Variants in UBR3 observed in about 807,000 individuals in gnomAD.
UBR3 encodes E3 ubiquitin-protein ligase UBR3.
In UBR3, 85 loss-of-function variants were observed where a neutral mutation model predicts 243.2. That is an observed-to-expected ratio of 0.35 (90% CI 0.29 to 0.42). The LOEUF is 0.42. UBR3 is among the 10% of genes least tolerant of loss of function. The pLI, the probability that UBR3 is intolerant of heterozygous loss-of-function variation, is 1.00. For synonymous variants in UBR3, 748 were observed against 799.8 expected, an observed-to-expected ratio of 0.94 and a Z score of 1.09; for missense variants, 1,686 against 2,300.8, an observed-to-expected ratio of 0.73 and a Z score of 5.47.
chr2:170,073,080 C>T (rs2091734659), intron 35 of UBR3, among the ~76,000 whole-genome samples: 1 of 152,108 alleles, frequency 6.6e-6, no homozygotes, highest in South Asian at 2.1e-4. Context: ...AAGTTTTAAA[C>T]CAGAAATAAC....
At chr2:169,959,556 A>G (rs1425387213) in intron 24 of UBR3, among the ~76,000 whole-genome samples, 1 of 152,064 alleles carries the variant, frequency 6.6e-6, no homozygotes, top group Middle Eastern at 3.4e-3. Context: ...CAAAATCTCT[A>G]TTAGGTTTTT....
intron 18 of UBR3, among the ~76,000 whole-genome samples, chr2:169,932,592 C>T (rs1281877268): frequency 6.6e-6 from 1 of 152,122 alleles, no homozygotes; most frequent in African/African-American, 2.4e-5. Context: ...GAGATCCTAA[C>T]CTGCTGTGTT....
At chr2:169,838,849 C>CT (rs2082201147) in intron 1 of UBR3, among the ~76,000 whole-genome samples, 1 of 152,220 alleles carries the variant, frequency 6.6e-6, no homozygotes, top group Non-Finnish European at 1.5e-5. Context: ...AGATTTCTCT[C>CT]TAGCTGTGAA....
chr2:170,023,892 T>C (rs1375835177), intron 30 of UBR3, among the ~76,000 whole-genome samples: 1 of 151,992 alleles, frequency 6.6e-6, no homozygotes, highest in Admixed American at 6.6e-5. Context: ...TTGTATTTTT[T>C]AGTAGAGAAA....
At chr2:169,942,746 G>A (rs73015791) in intron 20 of UBR3, 112 bp downstream of exon 20, 54,955 of 1,080,348 alleles carry the variant, frequency 0.051, 1,541 homozygotes, top group Non-Finnish European at 0.056. Context: ...GTGTATTTAT[G>A]CATTTAAGAT....
At position 169,914,126 on chromosome 2, in the gene UBR3, G is replaced by A; in HGVS notation, c.1846G>A (p.Ala616Thr). The A allele has an allele frequency of 6.6e-7, 1 of 1,508,660 alleles. No individual in the cohort carries two copies. The allele number at this position is 1,508,660 out of a possible 1,614,324, so 93.5% of individuals were successfully genotyped here. The change falls in exon 11 of 39, where the codon GCT becomes ACT. Residue 616 changes from alanine to threonine, a missense_variant. Ala to Thr is a moderately conservative substitution (Grantham distance 58). This residue lies in a region of UBR3 where 346 missense variants were observed against 585.8 expected (regional missense o/e 0.59). Transcript: ENST00000272793. ...CLEALQDWFD[A>T]INFVDEPAPN... Reference sequence around the variant, plus strand: ...TGAAGCTCTTCAAGACTGGTTTGATGCTATTAACTTCGTAGACGAGGTATG... The same window carrying A: ...TGAAGCTCTTCAAGACTGGTTTGATACTATTAACTTCGTAGACGAGGTATG...
chr2:170,041,047 T>G (rs528911651), intron 32 of UBR3, 62 bp downstream of exon 32: 2 of 1,484,880 alleles, frequency 1.3e-6, no homozygotes, highest in South Asian at 2.4e-5. Flanking sequence ...TTCTAGAGAT[T>G]ATAGAGACAA....
chr2:169,969,913 T>C (rs1211224157), intron 24 of UBR3, among the ~76,000 whole-genome samples: 3 of 149,214 alleles, frequency 2.0e-5, no homozygotes, highest in Non-Finnish European at 4.4e-5. Flanking sequence ...TATATTTTGA[T>C]GTCAGGAAGT....
chr2:170,072,354 T>C (rs1306737855), intron 35 of UBR3, among the ~76,000 whole-genome samples: 1 of 149,534 alleles, frequency 6.7e-6, no homozygotes, highest in Non-Finnish European at 1.5e-5. Context: ...TTCTCACTCA[T>C]AGGTGGGAAT....
In UBR3 at chr2:170,082,878, G is replaced by T. The variant is rs1000646848; in HGVS notation, c.*1035G>T. 1 of 152,450 alleles carries T rather than the reference G, an allele frequency of 6.6e-6. No individual in the cohort carries two copies. Among genetic ancestry groups the T allele is most frequent in the Non-Finnish European group, 1.5e-5 (1 of 68,022 alleles). The allele number at this position is 152,450 out of a possible 1,614,324, so 9.4% of individuals were successfully genotyped here. ...AAGGCGCAGTGGTGATGACCCTCATGAATGAGCCACGCTTCTGCATTCTTC... is the reference window on the plus strand; with the variant it reads ...AAGGCGCAGTGGTGATGACCCTCATTAATGAGCCACGCTTCTGCATTCTTC... On this transcript the variant is annotated 3_prime_UTR_variant, in exon 39 of 39. Transcript: ENST00000272793.
chr2:169,840,607 ACT>A (rs1173972236), intron 1 of UBR3, among the ~76,000 whole-genome samples: 2 of 150,562 alleles, frequency 1.3e-5, no homozygotes, highest in South Asian at 2.1e-4. Context: ...CCTTGTGGAG[ACT>A]CTCTCTGGTG....
At chr2:169,925,964 G>A (rs991474158) in intron 14 of UBR3, among the ~76,000 whole-genome samples, 2 of 152,176 alleles carry the variant, frequency 1.3e-5, no homozygotes, top group Admixed American at 6.5e-5. Context: ...AGGAGTGAGG[G>A]GAGAGCCTAG....
At chr2:170,043,138 T>A (rs1193439904) in intron 32 of UBR3, among the ~76,000 whole-genome samples, 1 of 152,210 alleles carries the variant, frequency 6.6e-6, no homozygotes, top group Non-Finnish European at 1.5e-5. Context: ...ATATACCTTT[T>A]ACTTATGAGT....
At chr2:170,072,007 A>G (rs1477999192) in intron 35 of UBR3, among the ~76,000 whole-genome samples, 2 of 152,198 alleles carry the variant, frequency 1.3e-5, no homozygotes, top group South Asian at 2.1e-4. Flanking sequence ...TGTGGAAGTC[A>G]GTGTGGCGAT....
intron 33 of UBR3, among the ~76,000 whole-genome samples, chr2:170,059,697 C>A (rs961376875): frequency 6.6e-6 from 1 of 151,916 alleles, no homozygotes; most frequent in Admixed American, 6.6e-5. Context: ...GGAGAACCAC[C>A]GCAGAGTCAG....
intron 1 of UBR3, among the ~76,000 whole-genome samples, chr2:169,845,379 C>T (rs1339394089): frequency 1.4e-5 from 2 of 147,944 alleles, no homozygotes; most frequent in East Asian, 4.1e-4. Context: ...GCCAGGATGG[C>T]GCCACTGCAT....
chr2:169,881,781 A>AT (rs2083848022), intron 5 of UBR3, among the ~76,000 whole-genome samples: 1 of 138,742 alleles, frequency 7.2e-6, no homozygotes, highest in Admixed American at 7.6e-5. Context: ...ATAATATAAT[A>AT]TATATGTATA....
At chr2:169,980,226 A>G (rs908992122) in intron 24 of UBR3, among the ~76,000 whole-genome samples, 3 of 152,234 alleles carry the variant, frequency 2.0e-5, no homozygotes, top group Non-Finnish European at 2.9e-5. Context: ...GAAGTTACAG[A>G]TAAGGGGAGA....
intron 1 of UBR3, among the ~76,000 whole-genome samples, chr2:169,856,082 G>T (rs1247117573): frequency 6.6e-6 from 1 of 151,148 alleles, no homozygotes; most frequent in Non-Finnish European, 1.5e-5. Context: ...AGACGGGGCG[G>T]CTGCCGGGCG....
Sources: gnomAD v4.1 joint callset for allele counts (sites outside exome capture counted in the v4.1 genomes callset) on GRCh38, gnomAD v4.1.1 for gene constraint, gnomAD v4.1.1 regional missense constraint, MANE v1.5 for transcripts, NCBI Gene and HGNC (gene_info 2026-07-23, HGNC 2026-07-21) for gene names.